TMEM135: variants seen among roughly 807,000 people sequenced by gnomAD.
TMEM135 encodes the protein peroxisomal membrane protein 52.
Under a neutral mutation model 60.3 loss-of-function variants are expected in TMEM135, and 30 were observed. That is an observed-to-expected ratio of 0.50 (90% CI 0.37 to 0.68). The LOEUF (loss-of-function observed/expected upper bound fraction) is 0.68, where lower values mean the gene tolerates loss of function less well. TMEM135 is among the 30% of genes least tolerant of loss of function. The pLI is 0.00. For missense variants in TMEM135, 468 were observed against 548.8 expected (o/e 0.85, Z 1.47); for synonymous variants, 190 against 186.7 (o/e 1.02, Z -0.14).
At chr11:87,157,676 C>G in intron 5 of TMEM135, 1 of 339,508 alleles carries the variant, frequency 2.9e-6, no homozygotes, top group Non-Finnish European at 5.3e-6. Context: ...GTAACTTCTA[C>G]AAATGTTTGT....
At chr11:87,118,366 G>C (rs190771073) in intron 4 of TMEM135, among the ~76,000 whole-genome samples, 1 of 152,042 alleles carries the variant, frequency 6.6e-6, no homozygotes. Flanking sequence ...CCAATGTAAG[G>C]CTCCTTTGTC....
chr11:87,129,213 A>ATTTTTTTTT (rs71040295), intron 4 of TMEM135, among the ~76,000 whole-genome samples: 17 of 116,226 alleles, frequency 1.5e-4, no homozygotes, highest in East Asian at 2.2e-4. Context: ...TTATTCCTTA[A>ATTTTTTTTT]TTTTTTTTTT....
Position 87,192,137 on chromosome 11 carries a change from G to A in TMEM135, c.462+34731G>A, listed in dbSNP as rs201506841. Among the ~76,000 whole-genome samples the A allele has an allele frequency of 1.1e-4, 17 of 149,504 alleles. No individual in the cohort carries two copies. The East Asian group carries it at 2.2e-3, about 19-fold the overall frequency. Reference sequence around the variant, plus strand: ...GCTGGGACTACAGGCATGTGCCACCGTGCCCAGCTAATTTTTTTTTTTTTT... The same window carrying A: ...GCTGGGACTACAGGCATGTGCCACCATGCCCAGCTAATTTTTTTTTTTTTT... On this transcript the variant is annotated intron_variant, in intron 5 of 14. Transcript: ENST00000305494.
intron 4 of TMEM135, among the ~76,000 whole-genome samples, chr11:87,146,797 C>G (rs1458515987): frequency 6.6e-6 from 1 of 151,926 alleles, no homozygotes; most frequent in African/African-American, 2.4e-5. Context: ...TTAACTGTGA[C>G]CATCTTACAG....
intron 5 of TMEM135, among the ~76,000 whole-genome samples, chr11:87,198,652 C>A (rs981254752): frequency 2.0e-5 from 3 of 150,404 alleles, no homozygotes; most frequent in Non-Finnish European, 3.0e-5. Context: ...TTCTCTTTTC[C>A]CTGTTTCCTC....
intron 5 of TMEM135, among the ~76,000 whole-genome samples, chr11:87,231,784 A>C (rs1438083368): frequency 6.6e-6 from 1 of 151,804 alleles, no homozygotes; most frequent in African/African-American, 2.4e-5. Context: ...ATATGGAAAT[A>C]GGGGGAAAAA....
chr11:87,178,389 A>G (rs1939433725), intron 5 of TMEM135: 2 of 456,118 alleles, frequency 4.4e-6, no homozygotes, highest in Admixed American at 4.7e-5. Flanking sequence ...TATACATGTA[A>G]TTATACAATA....
chr11:87,057,003 G>C (rs1949900378), intron 1 of TMEM135, among the ~76,000 whole-genome samples: 2 of 152,098 alleles, frequency 1.3e-5, no homozygotes, highest in African/African-American at 4.8e-5. Flanking sequence ...GTTTAAAGTT[G>C]TAGTGCTGCC....
chr11:87,122,327 T>C (rs1185786556), intron 4 of TMEM135, among the ~76,000 whole-genome samples: 31 of 143,054 alleles, frequency 2.2e-4, no homozygotes, highest in Non-Finnish European at 4.1e-4. Context: ...TTTTTTTTTT[T>C]TGTCAAATCC....
chr11:87,067,586 T>TC, intron 1 of TMEM135, 108 bp from the exon 2 acceptor site: 1 of 1,460,518 alleles, frequency 6.8e-7, no homozygotes, highest in Non-Finnish European at 9.4e-7. Context: ...TGCCAGCATT[T>TC]TTACTTTAAC....
chr11:87,071,310 G>A (rs962937639), intron 2 of TMEM135, among the ~76,000 whole-genome samples: 4 of 152,164 alleles, frequency 2.6e-5, no homozygotes, highest in Admixed American at 1.3e-4. Context: ...TGGATAGGTG[G>A]TTGTTGATGC....
At chr11:87,321,172 A>G in intron 14 of TMEM135, 29 bp from the exon 15 acceptor site, 1 of 1,584,798 alleles carries the variant, frequency 6.3e-7, no homozygotes, top group Non-Finnish European at 8.7e-7. Context: ...CTATATTAAT[A>G]CTTGTTTACT....
chr11:87,170,256 G>T (rs1376930130), intron 5 of TMEM135, among the ~76,000 whole-genome samples: 1 of 152,096 alleles, frequency 6.6e-6, no homozygotes, highest in African/African-American at 2.4e-5. Context: ...AGAGGAGTTT[G>T]TTATTACCCA....
At chr11:87,232,872 T>C (rs1940918138) in intron 5 of TMEM135, among the ~76,000 whole-genome samples, 1 of 151,896 alleles carries the variant, frequency 6.6e-6, no homozygotes. Context: ...ACTCAGTTAC[T>C]GGGGGCAGTA....
intron 5 of TMEM135, among the ~76,000 whole-genome samples, chr11:87,231,548 A>T (rs745393442): frequency 1.1e-4 from 16 of 152,206 alleles, no homozygotes; most frequent in Non-Finnish European, 2.4e-4. Context: ...AAGAAAACTT[A>T]TGGGAATACA....
At chr11:87,282,532 C>T (rs1181733039) in intron 6 of TMEM135, among the ~76,000 whole-genome samples, 4 of 152,336 alleles carry the variant, frequency 2.6e-5, no homozygotes, top group East Asian at 1.9e-4. Context: ...TCCCAAAGTG[C>T]TGGGATTACA....
At chr11:87,077,392 T>G (rs2445578) in intron 3 of TMEM135, among the ~76,000 whole-genome samples, 1 of 152,134 alleles carries the variant, frequency 6.6e-6, no homozygotes, top group Non-Finnish European at 1.5e-5. Flanking sequence ...AACATTCACT[T>G]GTCGAAGGAC....
intron 5 of TMEM135, among the ~76,000 whole-genome samples, chr11:87,212,005 T>C (rs1234964483): frequency 6.6e-6 from 1 of 152,166 alleles, no homozygotes; most frequent in Non-Finnish European, 1.5e-5. Context: ...ATCTTGGGCA[T>C]TTTTATCAAC....
chr11:87,116,916 G>A (rs770878779), intron 4 of TMEM135, among the ~76,000 whole-genome samples: 1 of 151,530 alleles, frequency 6.6e-6, no homozygotes, highest in African/African-American at 2.4e-5. Flanking sequence ...TCCGCCTTTT[G>A]GGTTCAAATG....
Sources: gnomAD v4.1 joint callset for allele counts (sites outside exome capture counted in the v4.1 genomes callset) on GRCh38, gnomAD v4.1.1 for gene constraint, MANE v1.5 for transcripts, NCBI Gene and HGNC (gene_info 2026-07-23, HGNC 2026-07-21) for gene names.